ULK2: variants seen among roughly 807,000 people sequenced by gnomAD.
The protein encoded by ULK2 is serine/threonine-protein kinase ULK2.
In ULK2, 76 loss-of-function variants were observed where a neutral mutation model predicts 127.5. That is an observed-to-expected ratio of 0.60 (90% CI 0.50 to 0.72). The LOEUF is 0.72. Ranked by LOEUF, ULK2 falls within the 30% of genes least tolerant of loss-of-function variation. The pLI, the probability that ULK2 is intolerant of heterozygous loss-of-function variation, is 0.00. For synonymous variants in ULK2, 452 were observed against 461.9 expected (o/e 0.98, Z 0.28); for missense variants, 1,144 against 1,295.9 (o/e 0.88, Z 1.80).
intron 8 of ULK2, among the ~76,000 whole-genome samples, chr17:19,842,385 T>A (rs987754474): frequency 3.3e-5 from 5 of 151,572 alleles, no homozygotes; most frequent in Non-Finnish European, 5.9e-5. Flanking sequence ...TTAGTAGAGA[T>A]GGGGTTTCTC....
chr17:19,825,697 A>G (rs1301660380), intron 11 of ULK2, among the ~76,000 whole-genome samples: 1 of 150,840 alleles, frequency 6.6e-6, no homozygotes, highest in African/African-American at 2.4e-5. Context: ...CCGTTTAAAA[A>G]AAAAAGTAGC....
In ULK2 at chr17:19,793,370, C is replaced by T. The variant is rs191859327; in HGVS notation, c.2101+2252G>A. Among the ~76,000 whole-genome samples the T allele has an allele frequency of 2.0e-5, 3 of 152,140 alleles. No individual in the cohort carries two copies. The East Asian group carries it at 5.8e-4, about 29-fold the overall frequency. On this transcript the variant is annotated intron_variant, in intron 20 of 26. Transcript: ENST00000395544. ...AAACCTAACCCTATCAATGGTCAAC[C>T]GAGTTTTGACAAGGCTAGCAAAACA...
chr17:19,865,614 A>G, intron 2 of ULK2, 122 bp downstream of exon 2: 1 of 536,386 alleles, frequency 1.9e-6, no homozygotes, highest in South Asian at 2.9e-5. Context: ...TGCAAAAAGG[A>G]GAGCAACAGT....
intron 3 of ULK2, among the ~76,000 whole-genome samples, chr17:19,862,102 T>C (rs1337407103): frequency 2.0e-5 from 3 of 152,104 alleles, no homozygotes; most frequent in Non-Finnish European, 2.9e-5. Flanking sequence ...TTTTTCTTTT[T>C]TTTTTCCCCC....
chr17:19,780,967 ACGCTGCCTTCTCCCATAC>A lies in ULK2; in HGVS notation c.2758+1_2758+18del, dbSNP rs2086905613. ...CTTAAGGACTGACCCCTGGAGTTAC[ACGCTGCCTTCTCCCATAC>A]CTTGTTTCACAGCTGTGGATGGGCT... On this transcript the variant is annotated splice_donor_variant and splice_donor_5th_base_variant and intron_variant, in intron 24 of 26. Coordinates refer to ENST00000395544, the MANE Select transcript of ULK2 (RefSeq NM_014683.4). LOFTEE classifies it high-confidence loss of function. The A allele has an allele frequency of 1.9e-6, 3 of 1,611,134 alleles. No homozygotes were observed. Among genetic ancestry groups the A allele is most frequent in the Non-Finnish European group, 2.5e-6 (3 of 1,177,756 alleles).
chr17:19,789,222 C>A (rs2087100792), intron 20 of ULK2, among the ~76,000 whole-genome samples: 1 of 152,022 alleles, frequency 6.6e-6, no homozygotes, highest in East Asian at 1.9e-4. Context: ...CCCCCACCTC[C>A]AAGTAGCTCA....
chr17:19,775,990 C>CT lies in ULK2; in HGVS notation c.*358dup, dbSNP rs762038555. 2.0e-5 allele frequency: 4 copies of CT among 200,584 alleles called. No individual in the cohort carries two copies. Among genetic ancestry groups the CT allele is most frequent in the Non-Finnish European group, 4.0e-5 (4 of 99,848 alleles). 12.4% of individuals were successfully genotyped at this position (200,584 alleles called of 1,614,324 possible). ...AACACATGGAATTTCACACACTGCTCTGATGAACCCAGTGACGAGCACTCA... is the reference window on the plus strand; with the variant it reads ...AACACATGGAATTTCACACACTGCTCTTGATGAACCCAGTGACGAGCACTCA... On this transcript the variant is annotated 3_prime_UTR_variant, in exon 27 of 27. Coordinates refer to ENST00000395544, the MANE Select transcript of ULK2 (RefSeq NM_014683.4).
chr17:19,795,842 G>T lies in ULK2; in HGVS notation c.1998-117C>A. On this transcript the variant is annotated intron_variant, in intron 19 of 26. Transcript: ENST00000395544. ...AATAGATACCAAACAATTCAGGGTAGAGATAAACTTCAATAATACAAATAA... is the reference window on the plus strand; with the variant it reads ...AATAGATACCAAACAATTCAGGGTATAGATAAACTTCAATAATACAAATAA... 5 of 1,019,684 alleles carry T rather than the reference G, an allele frequency of 4.9e-6. No individual in the cohort carries two copies. The South Asian group carries it at 7.4e-5, about 15-fold the overall frequency. The allele number at this position is 1,019,684 out of a possible 1,614,324, so 63.2% of individuals were successfully genotyped here.
chr17:19,804,849 G>A lies in ULK2; in HGVS notation c.1158-19C>T, dbSNP rs1261975869. 1.9e-5 allele frequency: 31 copies of A among 1,604,542 alleles called. No individual in the cohort carries two copies. Among genetic ancestry groups the A allele is most frequent in the Non-Finnish European group, 2.4e-5 (28 of 1,176,084 alleles). On this transcript the variant is annotated intron_variant, in intron 14 of 26. Coordinates refer to ENST00000395544, the MANE Select transcript of ULK2 (RefSeq NM_014683.4). ...ACACTGCCTGCAATCGTAATTTATT[G>A]AAAAAGGAAAGAAACAGTGGTAGGA...
In ULK2 at chr17:19,773,488, G is replaced by A. The variant is rs117362139; in HGVS notation, c.*2861C>T. The A allele has an allele frequency of 1.1e-4, 16 of 152,224 alleles. No individual in the cohort carries two copies. The highest frequency in any genetic ancestry group is 3.3e-4 in the Admixed American group (5 of 15,284). 9.4% of individuals were successfully genotyped at this position (152,224 alleles called of 1,614,324 possible). On this transcript the variant is annotated 3_prime_UTR_variant, in exon 27 of 27. Coordinates refer to ENST00000395544, the MANE Select transcript of ULK2 (RefSeq NM_014683.4). ...TGGAGACAAAGGAACATGGGACTACGGGCAATAAGTTACTTATCAGTCTTC... is the reference window on the plus strand; with the variant it reads ...TGGAGACAAAGGAACATGGGACTACAGGCAATAAGTTACTTATCAGTCTTC...
intron 13 of ULK2, chr17:19,816,531 T>A (rs2040992837): frequency 5.8e-6 from 2 of 345,090 alleles, no homozygotes. Context: ...TCCTATAAAG[T>A]TTTCATGTAC....
chr17:19,797,354 C>G (rs2087293523), intron 18 of ULK2, 42 bp downstream of exon 18: 2 of 1,560,536 alleles, frequency 1.3e-6, no homozygotes, highest in East Asian at 4.5e-5. Flanking sequence ...CCATAAAGTA[C>G]TATACCAGTT....
intron 17 of ULK2, among the ~76,000 whole-genome samples, chr17:19,798,989 C>T (rs1449115741): frequency 6.0e-5 from 9 of 151,074 alleles, no homozygotes; most frequent in East Asian, 3.9e-4. Context: ...GGTGAAACCC[C>T]GTCTCTACTA....
At chr17:19,788,556 CAAT>C (rs1215439632) in intron 20 of ULK2, among the ~76,000 whole-genome samples, 1 of 151,888 alleles carries the variant, frequency 6.6e-6, no homozygotes, top group African/African-American at 2.4e-5. Flanking sequence ...CCTGAATAAC[CAAT>C]AATACTACCC....
At position 19,867,578 on chromosome 17, in the gene ULK2, G is replaced by A. The variant is rs2042383122; in HGVS notation, c.-161C>T. The A allele has an allele frequency of 2.9e-6, 1 of 348,816 alleles. No individual in the cohort carries two copies. The highest frequency in any genetic ancestry group is 1.4e-4 in the South Asian group (1 of 7,290). The allele number at this position is 348,816 out of a possible 1,614,324, so 21.6% of individuals were successfully genotyped here. ...ACTCTCATGCCGAGAGACCGGAGCG[G>A]AAACTGGGGAAGCTGCCGCGCGGAG... On this transcript the variant is annotated 5_prime_UTR_variant, in exon 1 of 27. Coordinates refer to ENST00000395544, the MANE Select transcript of ULK2 (RefSeq NM_014683.4).
At chr17:19,847,005 G>A (rs1158055423) in intron 5 of ULK2, 95 bp from the exon 6 acceptor site, 1 of 1,175,912 alleles carries the variant, frequency 8.5e-7, no homozygotes, top group Admixed American at 3.0e-5. Context: ...AGGAGAGCAT[G>A]AAGGGAATGA....
chr17:19,795,559 A>G, intron 20 of ULK2, 63 bp downstream of exon 20: 1 of 1,278,812 alleles, frequency 7.8e-7, no homozygotes, highest in East Asian at 2.3e-5. Context: ...TTACAACAGC[A>G]GTAAGAAACA....
chr17:19,819,591 C>T (rs1205893906), intron 12 of ULK2, among the ~76,000 whole-genome samples: 1 of 152,188 alleles, frequency 6.6e-6, no homozygotes, highest in African/African-American at 2.4e-5. Flanking sequence ...CTCTGATGAG[C>T]TCTAGATCCC....
chr17:19,830,977 C>T (rs890999879), intron 10 of ULK2, among the ~76,000 whole-genome samples: 5 of 146,450 alleles, frequency 3.4e-5, no homozygotes, highest in Non-Finnish European at 7.4e-5. Flanking sequence ...CAGTGAGCCA[C>T]GATTGCTCCA....
Sources: allele counts gnomAD v4.1 joint callset (sites outside exome capture counted in the v4.1 genomes callset), GRCh38; gene constraint gnomAD v4.1.1; transcripts MANE v1.5; gene names NCBI Gene and HGNC (gene_info 2026-07-23, HGNC 2026-07-21).